The following TSNAXIP1 variants were observed in gnomAD, a reference collection of about 807,000 sequenced individuals.
TSNAXIP1 encodes translin associated factor X interacting protein 1, also known as translin-associated factor X-interacting protein 1.
TSNAXIP1 carries 89 observed loss-of-function variants against 84.8 expected under a neutral mutation model. The ratio of observed to expected loss-of-function variants is 1.05; its 90% CI spans 0.88 to 1.25. The LOEUF is 1.25. Among genes scored for constraint, TSNAXIP1 ranks in the 50% most tolerant of loss-of-function variants. The pLI is 0.00. For synonymous variants in TSNAXIP1, 347 were observed against 335.2 expected, an observed-to-expected ratio of 1.04 and a Z score of -0.39; for missense variants, 874 against 887.6, an observed-to-expected ratio of 0.98 and a Z score of 0.20.
rs769172916 is a variant in TSNAXIP1 at position 67,825,844 on chromosome 16, C to T, written c.984+8C>T. ...AAGGATCTTCAGGAGCAGGTGCTGG[C>T]AGGCAGGCAGGGCCAGGAGGGTAGG... is the stretch of plus-strand genomic sequence containing the variant. On this transcript the variant is annotated splice_region_variant and intron_variant, in intron 8 of 15. Coordinates refer to ENST00000561639, the MANE Select transcript of TSNAXIP1 (RefSeq NM_001288990.3). 6.2e-7 allele frequency: 1 copy of T among 1,613,942 alleles called. No individual in the cohort carries two copies. Among genetic ancestry groups the T allele is most frequent in the Non-Finnish European group, 8.5e-7 (1 of 1,179,844 alleles).
In TSNAXIP1 at chr16:67,810,526, G is replaced by A. The variant is rs1164101106; in HGVS notation, c.47+3330G>A. 5.3e-5 allele frequency among the ~76,000 whole-genome samples: 8 copies of A among 151,986 alleles called. No individual in the cohort carries two copies. The East Asian group carries it at 1.6e-3, about 30-fold the overall frequency. ...CCCAGCTACTTGGGAGGCAGAGGCAGGAGGATCACTTGAGCCCGGGAGGCA... is the reference window on the plus strand; with the variant it reads ...CCCAGCTACTTGGGAGGCAGAGGCAAGAGGATCACTTGAGCCCGGGAGGCA... On this transcript the variant is annotated intron_variant, in intron 1 of 15. Coordinates refer to ENST00000561639, the MANE Select transcript of TSNAXIP1 (RefSeq NM_001288990.3).
rs1186716962 is a variant in TSNAXIP1 at position 67,807,208 on chromosome 16, C to T, written c.47+12C>T. 6.5e-7 allele frequency: 1 copy of T among 1,535,954 alleles called. No homozygotes were observed. Among genetic ancestry groups the T allele is most frequent in the Non-Finnish European group, 8.7e-7 (1 of 1,146,880 alleles). On this transcript the variant is annotated intron_variant, in intron 1 of 15. Transcript: ENST00000561639. ...TCGTCCGCGTCGAGGTAGGCGCTGG[C>T]AGGGATGAGGGCAGAGATGAGGGTT...
At chr16:67,817,758 G>C (rs2056703693) in intron 2 of TSNAXIP1, among the ~76,000 whole-genome samples, 2 of 134,936 alleles carry the variant, frequency 1.5e-5, no homozygotes, top group Non-Finnish European at 3.0e-5. Flanking sequence ...GGGTGTGGTG[G>C]TGCGTGCCTG....
chr16:67,820,098 G>A (rs1166298857), intron 2 of TSNAXIP1, among the ~76,000 whole-genome samples: 1 of 150,366 alleles, frequency 6.7e-6, no homozygotes, highest in African/African-American at 2.4e-5. Context: ...GATTACAGGC[G>A]TGAGCCACCA....
rs576542470 is a variant in TSNAXIP1, at chr16:67,821,206, C to G, written c.368C>G (p.Thr123Ser). Residue 123 changes from threonine to serine, a missense_variant, in exon 4 of 16, where the codon ACC becomes AGC. Thr to Ser is a moderately conservative substitution (Grantham distance 58). Coordinates refer to ENST00000561639, the MANE Select transcript of TSNAXIP1 (RefSeq NM_001288990.3). ...CTGCTGGACCTGGGCACAGATTCCACCCAGGAACTAAGGCTGCAGGTCAGA... is the reference window on the plus strand; with the variant it reads ...CTGCTGGACCTGGGCACAGATTCCAGCCAGGAACTAAGGCTGCAGGTCAGA... The part of the protein sequence containing the change: ...LLLLDLGTDS[T>S]QELRLQPYRE... 6.2e-7 allele frequency: 1 copy of G among 1,608,626 alleles called. No individual in the cohort carries two copies. The highest frequency in any genetic ancestry group is 1.1e-5 in the South Asian group (1 of 90,068).
intron 2 of TSNAXIP1, among the ~76,000 whole-genome samples, chr16:67,819,816 T>C (rs1567755967): frequency 9.4e-6 from 1 of 106,006 alleles, no homozygotes; most frequent in East Asian, 2.2e-4. Flanking sequence ...CCTGGCTAAA[T>C]TTTTTTTTTT....
chr16:67,816,972 T>C (rs1048290238), intron 2 of TSNAXIP1, among the ~76,000 whole-genome samples: 1 of 150,784 alleles, frequency 6.6e-6, no homozygotes, highest in African/African-American at 2.4e-5. Flanking sequence ...TAATATTAAT[T>C]AATTTATTTT....
chr16:67,807,375 C>T (rs1399343871), intron 1 of TSNAXIP1, 179 bp downstream of exon 1: 1 of 1,530,988 alleles, frequency 6.5e-7, no homozygotes, highest in Admixed American at 2.0e-5. Flanking sequence ...ACGTTACGTG[C>T]TAGCAAAACG....
chr16:67,824,192 G>C (rs1207272736), intron 5 of TSNAXIP1, among the ~76,000 whole-genome samples: 1 of 151,956 alleles, frequency 6.6e-6, no homozygotes, highest in Non-Finnish European at 1.5e-5. Flanking sequence ...CCATGATAGG[G>C]CACCCCAGAG....
chr16:67,826,396 C>T (rs2057453309), intron 10 of TSNAXIP1, 41 bp from the exon 11 acceptor site: 1 of 1,610,642 alleles, frequency 6.2e-7, no homozygotes, highest in East Asian at 2.2e-5. Context: ...GGGGTGGGGC[C>T]ACAGATGGGT....
Position 67,822,956 on chromosome 16 carries a change from T to C in TSNAXIP1, c.388-670T>C, listed in dbSNP as rs565442495. 1.2e-3 allele frequency among the ~76,000 whole-genome samples: 181 copies of C among 152,292 alleles called. 2 individuals carry two copies. The highest frequency in any genetic ancestry group is 8.7e-3 in the South Asian group (42 of 4,830). On this transcript the variant is annotated intron_variant, in intron 4 of 15. Coordinates refer to ENST00000561639, the MANE Select transcript of TSNAXIP1 (RefSeq NM_001288990.3). Reference sequence around the variant, plus strand: ...TGCAAGGGTACAACCTTCAATCTCCTGAATCTACCAGGCTCTAAGATGGGG... The same window carrying C: ...TGCAAGGGTACAACCTTCAATCTCCCGAATCTACCAGGCTCTAAGATGGGG...
At chr16:67,827,147 T>A in intron 13 of TSNAXIP1, 75 bp downstream of exon 13, 1 of 1,605,470 alleles carries the variant, frequency 6.2e-7, no homozygotes, top group Non-Finnish European at 8.5e-7. Flanking sequence ...GGGCACCTGG[T>A]GGGAAGGGCC....
chr16:67,824,846 C>T, intron 6 of TSNAXIP1, 67 bp downstream of exon 6: 1 of 1,513,464 alleles, frequency 6.6e-7, no homozygotes, highest in Non-Finnish European at 9.0e-7. Flanking sequence ...CAAGGGTGAC[C>T]CCCTACCCTG....
At chr16:67,820,585 A>T (rs1485151502) in intron 2 of TSNAXIP1, among the ~76,000 whole-genome samples, 1 of 152,068 alleles carries the variant, frequency 6.6e-6, no homozygotes, top group Non-Finnish European at 1.5e-5. Context: ...TCTCTACTAA[A>T]AATACAAAAA....
At position 67,827,805 on chromosome 16, in the gene TSNAXIP1, C is replaced by G. The variant is rs1320629271; in HGVS notation, c.1951C>G (p.Pro651Ala). The G allele has an allele frequency of 6.2e-6, 10 of 1,613,992 alleles. No individual in the cohort carries two copies. The highest frequency in any genetic ancestry group is 7.6e-6 in the Non-Finnish European group (9 of 1,180,032). Residue 651 changes from proline to alanine, a missense_variant, in exon 16 of 16, where the codon CCC (proline) becomes GCC (alanine). By Grantham distance (27) the Pro-to-Ala change is conservative (BLOSUM62 -1). Transcript: ENST00000561639. ...GCGAGGGGGCCTGATGACCATCGAC[C>G]CCAGCCTGGACAAGCAGACAGTGAA... ...KLRGGLMTID[P>A]SLDKQTVNTY... is the part of the protein sequence containing the mutation.
chr16:67,826,246 G>A lies in TSNAXIP1; in HGVS notation c.1239G>A (p.Ser413=), dbSNP rs767110484. 120 of 1,588,782 alleles carry A rather than the reference G, an allele frequency of 7.6e-5. No homozygotes were observed. Among genetic ancestry groups the A allele is most frequent in the Non-Finnish European group, 9.4e-5 (110 of 1,166,072 alleles). Reference sequence around the variant, plus strand: ...ACGTGCTCCTGGAAGAGATTGGTTCGGGGCTGCTGCGGGAGAAAGACTTCT... The same window carrying A: ...ACGTGCTCCTGGAAGAGATTGGTTCAGGGCTGCTGCGGGAGAAAGACTTCT... ...LVDVLLEEIG[S]GLLREKDFFP... Residue 413 remains serine, a synonymous_variant, in exon 10 of 16, where the codon TCG becomes TCA. Coordinates refer to ENST00000561639, the MANE Select transcript of TSNAXIP1 (RefSeq NM_001288990.3).
chr16:67,817,201 G>A (rs1162536673), intron 2 of TSNAXIP1, among the ~76,000 whole-genome samples: 2 of 151,646 alleles, frequency 1.3e-5, no homozygotes, highest in Non-Finnish European at 2.9e-5. Context: ...CCAGGCTGGA[G>A]TGCAGTGGCG....
chr16:67,818,181 C>G lies in TSNAXIP1; in HGVS notation c.148-2658C>G, dbSNP rs377386419. 2.4e-4 allele frequency among the ~76,000 whole-genome samples: 36 copies of G among 152,242 alleles called. 1 individual carries two copies. The South Asian group carries it at 7.3e-3, about 31-fold the overall frequency. On this transcript the variant is annotated intron_variant, in intron 2 of 15. Transcript: ENST00000561639. Reference sequence around the variant, plus strand: ...CAGAGATTGTGCCACTGCACCCCAGCCTGGGCGACAGAGCGAGACTCAGTC... The same window carrying G: ...CAGAGATTGTGCCACTGCACCCCAGGCTGGGCGACAGAGCGAGACTCAGTC...
intron 1 of TSNAXIP1, among the ~76,000 whole-genome samples, chr16:67,812,164 C>T (rs1182804105): frequency 1.3e-5 from 2 of 151,938 alleles, no homozygotes; most frequent in Non-Finnish European, 2.9e-5. Flanking sequence ...ATAAATCACA[C>T]ACCCCCACCC....
Sources: gnomAD v4.1 joint callset for allele counts (sites outside exome capture counted in the v4.1 genomes callset) on GRCh38, gnomAD v4.1.1 for gene constraint, MANE v1.5 for transcripts, NCBI Gene and HGNC (gene_info 2026-07-23, HGNC 2026-07-21) for gene names.